Variants in PLG observed in about 807,000 individuals in gnomAD.
PLG encodes plasmin.
In PLG, 41 loss-of-function variants were observed where a neutral mutation model predicts 104.4. That is an observed-to-expected ratio of 0.39 (90% CI 0.31 to 0.51). The LOEUF (loss-of-function observed/expected upper bound fraction) is 0.51. PLG is among the 20% of genes least tolerant of loss of function. The probability of loss-of-function intolerance (pLI) is 0.76; values close to 1 mark genes in which losing one functional copy is unlikely to be tolerated. For missense variants in PLG, 891 were observed against 1,003.6 expected, an observed-to-expected ratio of 0.89 and a Z score of 1.52; for synonymous variants, 337 against 357.1, an observed-to-expected ratio of 0.94 and a Z score of 0.63.
chr6:160,731,133 G>C lies in PLG; in HGVS notation c.1339G>C (p.Glu447Gln), dbSNP rs1406843665. Residue 447 changes from glutamate (E) to glutamine (Q), a missense_variant, in exon 11 of 19, where the codon GAG (glutamate) becomes CAG (glutamine). Physicochemically the swap from Glu to Gln is conservative, Grantham distance 29. This residue lies in a region of PLG where 854 missense variants were observed against 932.1 expected (regional missense o/e 0.92). Coordinates refer to ENST00000308192, the MANE Select transcript of PLG (RefSeq NM_000301.5). The surrounding 1 kb of genome is among the most constrained non-coding windows in gnomAD (Gnocchi z 5.1). ...TACCACAGACCCCAGCGTCAGGTGGGAGTACTGCAACCTGAAAAAATGCTC... is the reference window on the plus strand; with the variant it reads ...TACCACAGACCCCAGCGTCAGGTGGCAGTACTGCAACCTGAAAAAATGCTC... ...CFTTDPSVRWEYCNLKKCSGT... is the reference protein window; with the variant it reads ...CFTTDPSVRWQYCNLKKCSGT... The C allele has an allele frequency of 6.2e-7, 1 of 1,613,882 alleles. No individual in the cohort carries two copies. Among genetic ancestry groups the C allele is most frequent in the African/African-American group, 1.3e-5 (1 of 75,018 alleles).
intron 3 of PLG, 141 bp downstream of exon 3, chr6:160,707,947 G>C (rs896323396): frequency 1.3e-6 from 1 of 742,950 alleles, no homozygotes; most frequent in Non-Finnish European, 2.4e-6. Flanking sequence ...GTTAGGACAG[G>C]ATTTGATTAC....
At chr6:160,707,671 C>G in intron 2 of PLG, 29 bp from the exon 3 acceptor site, 2 of 1,531,544 alleles carry the variant, frequency 1.3e-6, no homozygotes, top group Non-Finnish European at 1.8e-6. Flanking sequence ...AAGAAAAATA[C>G]TTATTGGATT....
rs1778001789 is a variant in PLG, at chr6:160,731,690, A to G, written c.1439-55A>G. On this transcript the variant is annotated intron_variant, in intron 11 of 18. Coordinates refer to ENST00000308192, the MANE Select transcript of PLG (RefSeq NM_000301.5). This position sits in a 1 kb window ranked among gnomAD's most constrained non-coding sequence, Gnocchi z 5.1. ...AACCTGACATGACTGTATTGATTCCATATCATCCTGGGTCTCTGTGGCTCT... is the reference window on the plus strand; with the variant it reads ...AACCTGACATGACTGTATTGATTCCGTATCATCCTGGGTCTCTGTGGCTCT... 19 of 1,551,370 alleles carry G rather than the reference A, an allele frequency of 1.2e-5. No homozygotes were observed. The highest frequency in any genetic ancestry group is 4.5e-5 in the East Asian group (2 of 44,574).
At chr6:160,705,033 C>T (rs998736667) in intron 1 of PLG, among the ~76,000 whole-genome samples, 4 of 152,218 alleles carry the variant, frequency 2.6e-5, no homozygotes, top group African/African-American at 9.6e-5. Context: ...CCTGCTGCAG[C>T]CTCCACTGCT....
chr6:160,721,042 T>C (rs1238897468), intron 9 of PLG, among the ~76,000 whole-genome samples: 2 of 152,190 alleles, frequency 1.3e-5, no homozygotes, highest in African/African-American at 2.4e-5. Flanking sequence ...TATTATGACT[T>C]TTTTTCTAGC....
At chr6:160,747,621 G>GTTTT (rs10625439) in intron 17 of PLG, among the ~76,000 whole-genome samples, 127,486 of 151,916 alleles carry the variant, frequency 0.84, 53,637 homozygotes, top group East Asian at 0.98. Context: ...TTGAAGAAAG[G>GTTTT]TTTGTTTTTG....
At position 160,741,920 on chromosome 6, in the gene PLG, T is replaced by C. The variant is rs1197060972; in HGVS notation, c.2125+503T>C. Among the ~76,000 whole-genome samples the C allele has an allele frequency of 6.6e-6, 1 of 152,184 alleles. No homozygotes were observed. Among genetic ancestry groups the C allele is most frequent in the Non-Finnish European group, 1.5e-5 (1 of 68,032 alleles). Reference sequence around the variant, plus strand: ...AACTGTGAACATGTGGTATTTGGTTTTCTGTTCCTGTGTTAGTTTTCTAAG... The same window carrying C: ...AACTGTGAACATGTGGTATTTGGTTCTCTGTTCCTGTGTTAGTTTTCTAAG... On this transcript the variant is annotated intron_variant, in intron 17 of 18. Transcript: ENST00000308192. The surrounding 1 kb of genome is among the most constrained non-coding windows in gnomAD (Gnocchi z 4.7).
chr6:160,707,653 T>A, intron 2 of PLG, 47 bp from the exon 3 acceptor site: 1 of 1,513,574 alleles, frequency 6.6e-7, no homozygotes, highest in South Asian at 1.1e-5. Flanking sequence ...ATTTGTTTTC[T>A]TTAAATAAAG....
Position 160,735,344 on chromosome 6 carries a change from G to C in PLG, c.1681+1256G>C, listed in dbSNP as rs1778070494. Among the ~76,000 whole-genome samples, 1 of 152,102 alleles carries C rather than the reference G, an allele frequency of 6.6e-6. No homozygotes were observed. Among genetic ancestry groups the C allele is most frequent in the Admixed American group, 6.6e-5 (1 of 15,260 alleles). On this transcript the variant is annotated intron_variant, in intron 13 of 18. Coordinates refer to ENST00000308192, the MANE Select transcript of PLG (RefSeq NM_000301.5). The surrounding 1 kb of genome is among the most constrained non-coding windows in gnomAD (Gnocchi z 5.4). ...GCCTCAGACCCCACTACCGTGCCTG[G>C]GACTCATGCACCTTTGACTCCCATG...
rs996614451 is a variant in PLG at position 160,736,718 on chromosome 6, T to C, written c.1682-169T>C. Among the ~76,000 whole-genome samples the C allele has an allele frequency of 6.6e-6, 1 of 152,220 alleles. No homozygotes were observed. The highest frequency in any genetic ancestry group is 2.4e-5 in the African/African-American group (1 of 41,446). On this transcript the variant is annotated intron_variant, in intron 13 of 18. Transcript: ENST00000308192. The surrounding 1 kb of genome is among the most constrained non-coding windows in gnomAD (Gnocchi z 5.2). ...CTTGAAAAGAGAGGGTCCTGTGTTG[T>C]CTACTACCACTTTTGAAACTTAGAG...
intron 5 of PLG, among the ~76,000 whole-genome samples, chr6:160,714,360 G>A (rs553291583): frequency 1.5e-4 from 23 of 152,246 alleles, no homozygotes; most frequent in Non-Finnish European, 2.1e-4. Flanking sequence ...AGCAGTCAGC[G>A]GAATGATCAG....
Position 160,736,875 on chromosome 6 carries a change from C to T in PLG, c.1682-12C>T. ...GTCTCAAATGGGATTTCTTTCCCAC[C>T]TTGTGCCACAGCGGCCCCTTCATTT... On this transcript the variant is annotated splice_polypyrimidine_tract_variant and intron_variant, in intron 13 of 18. Transcript: ENST00000308192. This position sits in a 1 kb window ranked among gnomAD's most constrained non-coding sequence, Gnocchi z 5.2. 1 of 1,613,632 alleles carries T rather than the reference C, an allele frequency of 6.2e-7. No individual in the cohort carries two copies. Among genetic ancestry groups the T allele is most frequent in the Non-Finnish European group, 8.5e-7 (1 of 1,179,692 alleles).
chr6:160,751,643 T>C (rs1341806851), intron 17 of PLG, among the ~76,000 whole-genome samples: 1 of 152,196 alleles, frequency 6.6e-6, no homozygotes, highest in Non-Finnish European at 1.5e-5. Context: ...TCATGTTCAT[T>C]AAGCAGTAGC....
intron 10 of PLG, among the ~76,000 whole-genome samples, chr6:160,730,071 C>G (rs568569037): frequency 6.6e-6 from 1 of 152,320 alleles, no homozygotes; most frequent in East Asian, 1.9e-4. Flanking sequence ...TTTTCTCAGA[C>G]AGCCACAGGT....
At chr6:160,707,586 C>T in intron 2 of PLG, 114 bp from the exon 3 acceptor site, 1 of 1,129,966 alleles carries the variant, frequency 8.8e-7, no homozygotes, top group Non-Finnish European at 1.3e-6. Flanking sequence ...CAATTCTGAG[C>T]TCTCTGGTCC....
chr6:160,702,241 C>T, upstream of PLG: 1 of 1,593,244 alleles, frequency 6.3e-7, no homozygotes, highest in Non-Finnish European at 8.6e-7. Context: ...CGTTTACTCT[C>T]ATGTAAGTCA....
Position 160,718,449 on chromosome 6 carries a change from C to T in PLG, c.943C>T (p.Pro315Ser), listed in dbSNP as rs752244249. 1 of 1,611,532 alleles carries T rather than the reference C, an allele frequency of 6.2e-7. No individual in the cohort carries two copies. Among genetic ancestry groups the T allele is most frequent in the Non-Finnish European group, 8.5e-7 (1 of 1,177,646 alleles). The part of the protein sequence containing the change: ...HTHNRTPENF[P>S]CKNLDENYCR... Reference sequence around the variant, plus strand: ...ACATAACAGGACACCAGAAAACTTCCCCTGCAAGTAAGTCCCCTCCGGTCT... The same window carrying T: ...ACATAACAGGACACCAGAAAACTTCTCCTGCAAGTAAGTCCCCTCCGGTCT... The change falls in exon 8 of 19, where the codon CCC becomes TCC. Residue 315 changes from proline (P) to serine (S), a missense_variant. Around this residue, in one of 2 missense-constraint regions of PLG, gnomAD observed 854 missense variants for 932.1 expected, o/e 0.92. Transcript: ENST00000308192.
Position 160,744,537 on chromosome 6 carries a change from T to G in PLG, c.2125+3120T>G, listed in dbSNP as rs967447169. Among the ~76,000 whole-genome samples the G allele has an allele frequency of 3.3e-5, 5 of 152,102 alleles. No homozygotes were observed. Among genetic ancestry groups the G allele is most frequent in the African/African-American group, 4.8e-5 (2 of 41,430 alleles). ...TTGTCATTTCTAATTGTGTTTATTTTGGTCTTATCTTCCTTTTCTTCATTA... is the reference window on the plus strand; with the variant it reads ...TTGTCATTTCTAATTGTGTTTATTTGGGTCTTATCTTCCTTTTCTTCATTA... On this transcript the variant is annotated intron_variant, in intron 17 of 18. Transcript: ENST00000308192. The surrounding 1 kb of genome is among the most constrained non-coding windows in gnomAD (Gnocchi z 4.5).
intron 7 of PLG, 73 bp downstream of exon 7, chr6:160,716,836 C>A: frequency 1.1e-6 from 1 of 916,194 alleles, no homozygotes; most frequent in Non-Finnish European, 1.8e-6. Flanking sequence ...AAACATGTGT[C>A]AGTGCCTGAG....
Sources: allele counts gnomAD v4.1 joint callset (sites outside exome capture counted in the v4.1 genomes callset), GRCh38; gene constraint gnomAD v4.1.1; regional missense constraint gnomAD v4.1.1; non-coding constraint Gnocchi (gnomAD v3.1); transcripts MANE v1.5; gene names NCBI Gene and HGNC (gene_info 2026-07-23, HGNC 2026-07-21).